The following STXBP5 variants were observed in gnomAD, a reference collection of about 807,000 sequenced individuals.
STXBP5 encodes the protein syntaxin binding protein 5, also known as syntaxin-binding protein 5.
A neutral mutation model predicts 152.4 loss-of-function variants in STXBP5; 50 were observed. The ratio of observed to expected loss-of-function variants is 0.33; its 90% CI spans 0.26 to 0.42. STXBP5 has a LOEUF of 0.42. Ranked by LOEUF, STXBP5 falls within the 10% of genes least tolerant of loss-of-function variation. The pLI is 1.00. For synonymous variants in STXBP5, 492 were observed against 494.7 expected (o/e 0.99, Z 0.07); for missense variants, 1,167 against 1,388.6 (o/e 0.84, Z 2.54).
intron 4 of STXBP5, among the ~76,000 whole-genome samples, chr6:147,240,338 C>A: frequency 6.6e-6 from 1 of 152,126 alleles, no homozygotes; most frequent in East Asian, 1.9e-4. Flanking sequence ...TAGTCCCTTC[C>A]CTCAATAGTT....
chr6:147,320,928 C>T (rs1333917185), intron 16 of STXBP5, among the ~76,000 whole-genome samples: 1 of 152,002 alleles, frequency 6.6e-6, no homozygotes, highest in African/African-American at 2.4e-5. Context: ...TTTTCTTCAG[C>T]CATTATCTTA....
chr6:147,326,087 T>C (rs2042160374), intron 17 of STXBP5, among the ~76,000 whole-genome samples: 1 of 152,162 alleles, frequency 6.6e-6, no homozygotes, highest in African/African-American at 2.4e-5. Context: ...GTGGGGGTCC[T>C]GGAACCAAGC....
chr6:147,251,186 C>T (rs983216499), intron 4 of STXBP5, among the ~76,000 whole-genome samples: 19 of 152,136 alleles, frequency 1.2e-4, no homozygotes, highest in African/African-American at 4.3e-4. Flanking sequence ...CGGAAAGGGT[C>T]GGGAAACTCC....
At chr6:147,327,330 C>A in intron 18 of STXBP5, 54 bp downstream of exon 18, 1 of 1,565,596 alleles carries the variant, frequency 6.4e-7, no homozygotes, top group Non-Finnish European at 8.6e-7. Context: ...TAAATGCTGG[C>A]TTACTTTTGT....
At chr6:147,349,294 C>T (rs1187153201) in intron 21 of STXBP5, among the ~76,000 whole-genome samples, 3 of 152,224 alleles carry the variant, frequency 2.0e-5, no homozygotes, top group South Asian at 2.1e-4. Flanking sequence ...CTGATCTGTA[C>T]TTAAAAAGCA....
In STXBP5 at chr6:147,305,220, GTGTT is replaced by G. The variant is rs1330886050; in HGVS notation, c.918-4854_918-4851del. Among the ~76,000 whole-genome samples, 9 of 152,110 alleles carry G rather than the reference GTGTT, an allele frequency of 5.9e-5. No homozygotes were observed. The South Asian group carries it at 6.2e-4, about 11-fold the overall frequency. On this transcript the variant is annotated intron_variant, in intron 9 of 27. Transcript: ENST00000321680. ...GCATTTACATACGTATTCACAGTTT[GTGTT>G]TGTTTGTTTTACAAAAGCATAGCTT...
At chr6:147,216,777 A>C (rs1465607714) in intron 2 of STXBP5, among the ~76,000 whole-genome samples, 4 of 152,156 alleles carry the variant, frequency 2.6e-5, no homozygotes, top group Non-Finnish European at 4.4e-5. Flanking sequence ...GTGAGCATTC[A>C]CCCAGAAAGG....
In STXBP5 at chr6:147,260,953, T is replaced by C. The variant is rs577756883; in HGVS notation, c.566+204T>C. ...TAAATTATGCATATGTATATAGAGA[T>C]ATATGCACATTACATATGTATATAT... On this transcript the variant is annotated intron_variant, in intron 5 of 27. Transcript: ENST00000321680. 9.7e-4 allele frequency among the ~76,000 whole-genome samples: 147 copies of C among 152,288 alleles called. 1 individual carries two copies. The highest frequency in any genetic ancestry group is 6.8e-3 in the Middle Eastern group (2 of 294).
intron 22 of STXBP5, among the ~76,000 whole-genome samples, chr6:147,357,114 G>A (rs2128410273): frequency 6.6e-6 from 1 of 152,234 alleles, no homozygotes; most frequent in African/African-American, 2.4e-5. Context: ...AGAAAAGTCA[G>A]AAATAACTAC....
chr6:147,291,060 A>G, intron 8 of STXBP5, 34 bp from the exon 9 acceptor site: 1 of 1,533,912 alleles, frequency 6.5e-7, no homozygotes, highest in Non-Finnish European at 8.9e-7. Flanking sequence ...GTAACTTAGA[A>G]TTTTAGAATT....
intron 7 of STXBP5, among the ~76,000 whole-genome samples, chr6:147,269,650 A>G (rs1422719578): frequency 3.3e-5 from 5 of 152,182 alleles, no homozygotes; most frequent in Non-Finnish European, 7.4e-5. Flanking sequence ...GAACATGTTG[A>G]AAAAAGACAT....
intron 8 of STXBP5, among the ~76,000 whole-genome samples, chr6:147,278,749 C>A (rs2128342026): frequency 6.6e-6 from 1 of 152,238 alleles, no homozygotes; most frequent in East Asian, 1.9e-4. Context: ...AAAGCAGAAT[C>A]TGCAAAGGGA....
chr6:147,286,776 A>G (rs561689814), intron 8 of STXBP5, among the ~76,000 whole-genome samples: 4 of 152,218 alleles, frequency 2.6e-5, no homozygotes, highest in African/African-American at 9.6e-5. Context: ...TTATACATAA[A>G]TGAGATCCTA....
intron 21 of STXBP5, among the ~76,000 whole-genome samples, chr6:147,343,220 ATCTC>A (rs1784169712): frequency 6.6e-6 from 1 of 152,092 alleles, no homozygotes; most frequent in South Asian, 2.1e-4. Flanking sequence ...GGTTACTTTT[ATCTC>A]TCCAATTCTG....
intron 9 of STXBP5, chr6:147,292,350 C>T: frequency 4.9e-6 from 2 of 409,018 alleles, no homozygotes; most frequent in Non-Finnish European, 9.6e-6. Flanking sequence ...ACTCTTGCAT[C>T]CTTCATTGTG....
chr6:147,277,049 G>T lies in STXBP5; in HGVS notation c.715-1032G>T, dbSNP rs190232102. ...TTTGACTTATGATGAGTTTATCAGG[G>T]TATGACTTCATCGTAAATTGAGGAG... On this transcript the variant is annotated intron_variant, in intron 7 of 27. Transcript: ENST00000321680. Among the ~76,000 whole-genome samples, 7 of 152,082 alleles carry T rather than the reference G, an allele frequency of 4.6e-5. No individual in the cohort carries two copies. In the East Asian group the frequency reaches 9.7e-4, roughly 21 times the overall value.
rs1784954494 is a variant in STXBP5 at position 147,359,276 on chromosome 6, C to G, written c.2498C>G (p.Pro833Arg). Residue 833 changes from proline to arginine, a missense_variant, in exon 23 of 28, where the codon CCA becomes CGA. Pro to Arg is a moderately radical substitution (Grantham distance 103). Around this residue, in one of 3 missense-constraint regions of STXBP5, gnomAD observed 833 missense variants for 986.3 expected, o/e 0.84. Coordinates refer to ENST00000321680, the MANE Select transcript of STXBP5 (RefSeq NM_001127715.4). ...TVLVIALNLP[P>R]GGEQRLLQPV... ...CTTGTCATTGCACTGAACCTTCCCC[C>G]AGGGGGAGAGCAAAGACTTCTTCAG... 1.9e-6 allele frequency: 3 copies of G among 1,613,950 alleles called. No homozygotes were observed. Among genetic ancestry groups the G allele is most frequent in the African/African-American group, 1.3e-5 (1 of 75,028 alleles).
At chr6:147,304,074 G>A (rs545086290) in intron 9 of STXBP5, among the ~76,000 whole-genome samples, 17 of 152,322 alleles carry the variant, frequency 1.1e-4, no homozygotes, top group South Asian at 2.1e-4. Flanking sequence ...AGAAATTAGC[G>A]TAAGTAATGA....
intron 25 of STXBP5, among the ~76,000 whole-genome samples, 200 bp downstream of exon 25, chr6:147,364,366 C>G (rs1785199149): frequency 6.6e-6 from 1 of 152,184 alleles, no homozygotes; most frequent in South Asian, 2.1e-4. Context: ...CTGCTATAAG[C>G]AGCTTCATCT....
Sources: allele counts gnomAD v4.1 joint callset (sites outside exome capture counted in the v4.1 genomes callset), GRCh38; gene constraint gnomAD v4.1.1; regional missense constraint gnomAD v4.1.1; transcripts MANE v1.5; gene names NCBI Gene and HGNC (gene_info 2026-07-23, HGNC 2026-07-21).